INPP4B: variants seen among roughly 807,000 people sequenced by gnomAD.
The protein encoded by INPP4B is inositol polyphosphate-4-phosphatase type II B, also known as inositol polyphosphate 4-phosphatase type II.
In INPP4B, 55 loss-of-function variants were observed where a neutral mutation model predicts 122.5. The observed-to-expected ratio is 0.45, with a 90% CI of 0.36 to 0.56. The LOEUF is 0.56. Ranked by LOEUF, INPP4B falls within the 20% of genes least tolerant of loss-of-function variation. The probability of loss-of-function intolerance (pLI) is 0.00; values close to 1 mark genes in which losing one functional copy is unlikely to be tolerated. For synonymous variants in INPP4B, 403 were observed against 388.7 expected (o/e 1.04, Z -0.43); for missense variants, 1,000 against 1,097.7 (o/e 0.91, Z 1.26).
rs1158393342 is a variant in INPP4B at position 142,028,706 on chromosome 4, C to CAA, written c.*74_*75dup. 2.0e-6 allele frequency: 3 copies of CAA among 1,476,618 alleles called. No individual in the cohort carries two copies. The Admixed American group carries it at 6.6e-5, about 32-fold the overall frequency. The allele number at this position is 1,476,618 out of a possible 1,614,324, so 91.5% of individuals were successfully genotyped here. A position where few individuals can be genotyped will look rare whatever the true frequency, so the allele number is the denominator to read the frequency against. ...CACCACAAATTCATGACAATAAAAA[C>CAA]AAACAAAAAAGACCAAGGTGAAGAT... On this transcript the variant is annotated 3_prime_UTR_variant, in exon 26 of 26. Coordinates refer to ENST00000262992, the MANE Select transcript of INPP4B (RefSeq NM_001101669.3).
intron 2 of INPP4B, among the ~76,000 whole-genome samples, chr4:142,715,569 T>A (rs1272994931): frequency 6.6e-6 from 1 of 151,914 alleles, no homozygotes; most frequent in African/African-American, 2.4e-5. Context: ...AAAATGTCTA[T>A]AACCACCTGG....
chr4:142,523,256 T>C (rs564481100), intron 2 of INPP4B, among the ~76,000 whole-genome samples: 1 of 152,116 alleles, frequency 6.6e-6, no homozygotes, highest in Non-Finnish European at 1.5e-5. Flanking sequence ...CAACAATTCA[T>C]GTTTTAACTA....
chr4:142,124,695 T>G lies in INPP4B; in HGVS notation c.1786A>C (p.Asn596His). ...AATGTCAGGGACTGCTTGGCTCGGT[T>G]CACCACTTCTCCCATGCAGTCCTTC... Reference protein sequence around the residue: ...TLKDCMGEVVNRAKQSLTFVL... With the variant: ...TLKDCMGEVVHRAKQSLTFVL... Residue 596 changes from asparagine (N) to histidine (H), a missense_variant, in exon 19 of 26, where the codon AAC becomes CAC. By Grantham distance (68) the Asn-to-His change is moderately conservative (BLOSUM62 1). Transcript: ENST00000262992. 1 of 1,612,290 alleles carries G rather than the reference T, an allele frequency of 6.2e-7. No homozygotes were observed. The highest frequency in any genetic ancestry group is 8.5e-7 in the Non-Finnish European group (1 of 1,178,846).
chr4:142,312,590 T>C (rs1165729000), intron 8 of INPP4B, among the ~76,000 whole-genome samples: 1 of 152,118 alleles, frequency 6.6e-6, no homozygotes, highest in African/African-American at 2.4e-5. Flanking sequence ...AACCACACAA[T>C]GGAACAGCCT....
At chr4:142,782,440 C>A (rs1178803548) in intron 1 of INPP4B, among the ~76,000 whole-genome samples, 2 of 151,836 alleles carry the variant, frequency 1.3e-5, no homozygotes, top group Non-Finnish European at 2.9e-5. Flanking sequence ...CCACAATAAA[C>A]ATACGTGTGC....
chr4:142,571,098 A>G (rs767705749), intron 2 of INPP4B, among the ~76,000 whole-genome samples: 6 of 151,134 alleles, frequency 4.0e-5, no homozygotes, highest in African/African-American at 1.5e-4. Context: ...TCAAAAAAAA[A>G]AAAAAAAAAA....
intron 2 of INPP4B, among the ~76,000 whole-genome samples, chr4:142,719,117 T>C (rs1011233109): frequency 1.3e-5 from 2 of 152,166 alleles, no homozygotes; most frequent in Admixed American, 6.5e-5. Flanking sequence ...GGAACAACTC[T>C]TCCTTTCTCT....
At chr4:142,719,641 T>C (rs994720859) in intron 2 of INPP4B, among the ~76,000 whole-genome samples, 1 of 152,088 alleles carries the variant, frequency 6.6e-6, no homozygotes, top group Non-Finnish European at 1.5e-5. Context: ...TTCTTATTAA[T>C]TTCTGAAAAA....
chr4:142,437,790 T>C (rs1281626117), intron 3 of INPP4B, among the ~76,000 whole-genome samples: 1 of 152,146 alleles, frequency 6.6e-6, no homozygotes, highest in Non-Finnish European at 1.5e-5. Context: ...AATGGTTAAA[T>C]TTCTGGACAT....
chr4:142,627,028 A>C (rs1037327427), intron 2 of INPP4B, among the ~76,000 whole-genome samples: 2 of 151,970 alleles, frequency 1.3e-5, no homozygotes, highest in African/African-American at 4.8e-5. Flanking sequence ...CTATCACTGA[A>C]GTTTTTGATA....
chr4:142,557,082 T>C lies in INPP4B; in HGVS notation c.-190-94356A>G, dbSNP rs1212454075. Among the ~76,000 whole-genome samples, 5 of 152,088 alleles carry C rather than the reference T, an allele frequency of 3.3e-5. No homozygotes were observed. The East Asian group carries it at 7.7e-4, about 23-fold the overall frequency. On this transcript the variant is annotated intron_variant, in intron 2 of 25. Transcript: ENST00000262992. ...TCACACAGCTGCACCTAAGAGATGC[T>C]TTCAAATAGGCTGCCTGGAGAGGTT... is the stretch of plus-strand genomic sequence containing the variant.
intron 7 of INPP4B, among the ~76,000 whole-genome samples, chr4:142,381,983 T>C (rs1363364218): frequency 6.6e-6 from 1 of 152,140 alleles, no homozygotes; most frequent in Admixed American, 6.6e-5. Flanking sequence ...AGTCTTACTA[T>C]TATTTTTAAA....
intron 2 of INPP4B, among the ~76,000 whole-genome samples, chr4:142,488,089 C>T (rs940805980): frequency 1.3e-5 from 2 of 152,004 alleles, no homozygotes; most frequent in Non-Finnish European, 2.9e-5. Context: ...CATTCCTAGA[C>T]TTCTGAGAGC....
chr4:142,253,923 C>A (rs1734025321), intron 11 of INPP4B, among the ~76,000 whole-genome samples: 1 of 152,190 alleles, frequency 6.6e-6, no homozygotes, highest in Admixed American at 6.5e-5. Context: ...AACAGAAAGA[C>A]AGCAGTAACC....
chr4:142,702,730 CAAAAAAAAAAA>C (rs35472471), intron 2 of INPP4B, among the ~76,000 whole-genome samples: 7 of 64,344 alleles, frequency 1.1e-4, no homozygotes, highest in Admixed American at 7.8e-4. Context: ...AACTCCGTCT[CAAAAAAAAAAA>C]AAAAAAAAAA....
At chr4:142,182,207 A>T (rs990057629) in intron 15 of INPP4B, among the ~76,000 whole-genome samples, 1 of 152,122 alleles carries the variant, frequency 6.6e-6, no homozygotes, top group Non-Finnish European at 1.5e-5. Flanking sequence ...TCAATAAAAT[A>T]AGTAGGAGAA....
At chr4:142,795,832 A>T (rs1465996403) in intron 1 of INPP4B, among the ~76,000 whole-genome samples, 6 of 152,046 alleles carry the variant, frequency 3.9e-5, no homozygotes. Flanking sequence ...CTGTACCTTT[A>T]ATCAACTACC....
At chr4:142,637,235 CTTG>C (rs1016532963) in intron 2 of INPP4B, among the ~76,000 whole-genome samples, 1 of 152,128 alleles carries the variant, frequency 6.6e-6, no homozygotes, top group African/African-American at 2.4e-5. Flanking sequence ...AGGATTCACT[CTTG>C]TTGTATATTC....
At chr4:142,774,133 T>C (rs535226502) in intron 1 of INPP4B, among the ~76,000 whole-genome samples, 1 of 152,220 alleles carries the variant, frequency 6.6e-6, no homozygotes, top group East Asian at 1.9e-4. Flanking sequence ...AACAATTATT[T>C]CTCCCTTTCT....
Sources: gnomAD v4.1 joint callset for allele counts (sites outside exome capture counted in the v4.1 genomes callset) on GRCh38, gnomAD v4.1.1 for gene constraint, MANE v1.5 for transcripts, NCBI Gene and HGNC (gene_info 2026-07-23, HGNC 2026-07-21) for gene names.